Variants in CACNA2D3 observed in about 807,000 individuals in gnomAD.
The protein encoded by CACNA2D3 is voltage-dependent calcium channel subunit alpha-2/delta-3.
Under a neutral mutation model 160.6 loss-of-function variants are expected in CACNA2D3, and 60 were observed. The observed-to-expected ratio is 0.37, with a 90% CI of 0.30 to 0.46. The LOEUF is 0.46. CACNA2D3 is among the 20% of genes least tolerant of loss of function. The pLI is 1.00. For synonymous variants in CACNA2D3, 558 were observed against 492.9 expected (o/e 1.13, Z -1.75); for missense variants, 1,205 against 1,365.0 (o/e 0.88, Z 1.85).
At chr3:54,388,952 A>G (rs6790309) in intron 4 of CACNA2D3, among the ~76,000 whole-genome samples, 5,442 of 152,326 alleles carry the variant, frequency 0.036, 134 homozygotes, top group Non-Finnish European at 0.058. Flanking sequence ...TGTAACAATG[A>G]ATAAAATAAG....
chr3:54,956,271 A>G (rs887339281), intron 27 of CACNA2D3, among the ~76,000 whole-genome samples: 2 of 152,206 alleles, frequency 1.3e-5, no homozygotes, highest in Admixed American at 6.5e-5. Flanking sequence ...CCGTAAGCGC[A>G]TGGTCTTCCC....
intron 4 of CACNA2D3, among the ~76,000 whole-genome samples, chr3:54,445,805 T>C (rs1700214038): frequency 1.3e-5 from 2 of 152,174 alleles, no homozygotes; most frequent in Non-Finnish European, 2.9e-5. Flanking sequence ...GGGCCAGCAG[T>C]TCTGTGCTTA....
chr3:55,061,026 ATAAATCCTT>A lies in CACNA2D3; in HGVS notation c.2988-12418_2988-12410del, dbSNP rs375206890. 3.2e-3 allele frequency among the ~76,000 whole-genome samples: 483 copies of A among 152,312 alleles called. 3 individuals carry two copies. Among genetic ancestry groups the A allele is most frequent in the African/African-American group, 0.011 (465 of 41,560 alleles). On this transcript the variant is annotated intron_variant, in intron 35 of 37. Coordinates refer to ENST00000474759, the MANE Select transcript of CACNA2D3 (RefSeq NM_018398.3). ...CTGTAGGTCGGCACCATAAATCTCA[ATAAATCCTT>A]GTGGGCTGAGGATGAGTGGAAGTCA...
chr3:54,988,771 C>T (rs1702674715), intron 31 of CACNA2D3, among the ~76,000 whole-genome samples: 1 of 152,026 alleles, frequency 6.6e-6, no homozygotes, highest in African/African-American at 2.4e-5. Flanking sequence ...AATGATGACC[C>T]AGTGTTTGAA....
chr3:54,561,962 G>A (rs1001647128), intron 5 of CACNA2D3, among the ~76,000 whole-genome samples: 2 of 152,266 alleles, frequency 1.3e-5, no homozygotes, highest in African/African-American at 4.8e-5. Context: ...GTAGGGGAGT[G>A]CCCCTTTATA....
intron 13 of CACNA2D3, among the ~76,000 whole-genome samples, chr3:54,793,222 A>G (rs1306489579): frequency 6.6e-6 from 1 of 152,238 alleles, no homozygotes; most frequent in South Asian, 2.1e-4. Context: ...TGAATAAATT[A>G]TATTTTTTCC....
At chr3:54,426,230 C>A (rs1245143747) in intron 4 of CACNA2D3, among the ~76,000 whole-genome samples, 1 of 152,102 alleles carries the variant, frequency 6.6e-6, no homozygotes, top group Non-Finnish European at 1.5e-5. Context: ...AGGATATTTG[C>A]AAAGTTTACT....
At chr3:54,985,905 C>A (rs1702603600) in intron 30 of CACNA2D3, among the ~76,000 whole-genome samples, 1 of 152,172 alleles carries the variant, frequency 6.6e-6, no homozygotes. Context: ...TTCCCAGTCT[C>A]CTCTGATGCT....
intron 11 of CACNA2D3, among the ~76,000 whole-genome samples, chr3:54,687,135 G>GTTTTTTTTTTTTTTTTT (rs1290353261): frequency 5.6e-5 from 5 of 88,894 alleles, no homozygotes; most frequent in South Asian, 3.7e-4. Flanking sequence ...TTTTTTTTTT[G>GTTTTTTTTTTTTTTTTT]TTTTTTTTTT....
chr3:54,330,947 A>G (rs1233442290), intron 3 of CACNA2D3, among the ~76,000 whole-genome samples: 3 of 152,038 alleles, frequency 2.0e-5, no homozygotes, highest in Admixed American at 6.5e-5. Context: ...TTTGGTAGAG[A>G]TGATTTTTTT....
Position 54,312,827 on chromosome 3 carries a change from A to ATT in CACNA2D3, c.205-7615_205-7614insTT, listed in dbSNP as rs200637134. The stretch of plus-strand genomic sequence containing the variant: ...TTCTTCCATGTCACAAATGTGACAC[A>ATT]GAATGCGTTCTGCCTAGACCCCAGT... On this transcript the variant is annotated intron_variant, in intron 2 of 37. Coordinates refer to ENST00000474759, the MANE Select transcript of CACNA2D3 (RefSeq NM_018398.3). Among the ~76,000 whole-genome samples, 652 of 152,330 alleles carry ATT rather than the reference A, an allele frequency of 4.3e-3. 10 individuals are homozygous for ATT. Among genetic ancestry groups the ATT allele is most frequent in the East Asian group, 0.035 (182 of 5,170 alleles).
At chr3:54,883,821 C>CTCTCTCTCTCTCTCTCTCTCTCTCTT (rs1699862279) in intron 21 of CACNA2D3, among the ~76,000 whole-genome samples, 1 of 143,414 alleles carries the variant, frequency 7.0e-6, no homozygotes, top group African/African-American at 2.6e-5. Context: ...CTCTCTCTCT[C>CTCTCTCTCTCTCTCTCTCTCTCTCTT]TCCTCTCTCT....
At chr3:54,620,209 A>C (rs1340512586) in intron 9 of CACNA2D3, among the ~76,000 whole-genome samples, 1 of 152,196 alleles carries the variant, frequency 6.6e-6, no homozygotes, top group Non-Finnish European at 1.5e-5. Flanking sequence ...TAGGAGCCAC[A>C]TCTCTGTTTT....
intron 4 of CACNA2D3, among the ~76,000 whole-genome samples, chr3:54,442,349 T>G (rs2106797101): frequency 6.6e-6 from 1 of 152,222 alleles, no homozygotes; most frequent in East Asian, 1.9e-4. Flanking sequence ...AGAGGGCCCT[T>G]TACTCCTTCT....
At chr3:54,303,822 T>TTTGTTTTTTTG (rs1310252633) in intron 2 of CACNA2D3, among the ~76,000 whole-genome samples, 7 of 105,518 alleles carry the variant, frequency 6.6e-5, no homozygotes, top group African/African-American at 3.0e-4. Context: ...TTTTCTGTTT[T>TTTGTTTTTTTG]TTTTTTTTTT....
At chr3:54,670,814 T>C (rs544892299) in intron 11 of CACNA2D3, among the ~76,000 whole-genome samples, 170 of 152,282 alleles carry the variant, frequency 1.1e-3, no homozygotes, top group Non-Finnish European at 2.0e-3. Context: ...TTGATTTATG[T>C]TTTATTACCT....
intron 30 of CACNA2D3, among the ~76,000 whole-genome samples, chr3:54,984,872 C>T (rs1035743107): frequency 6.6e-6 from 1 of 152,186 alleles, no homozygotes; most frequent in African/African-American, 2.4e-5. Context: ...TTACCTCCCA[C>T]TGGGGGGTGC....
At chr3:54,777,945 A>G (rs987673617) in intron 13 of CACNA2D3, among the ~76,000 whole-genome samples, 1 of 152,224 alleles carries the variant, frequency 6.6e-6, no homozygotes, top group African/African-American at 2.4e-5. Context: ...TTAATTGTCA[A>G]CTAATAAGTT....
At chr3:54,351,895 A>G (rs1458606099) in intron 3 of CACNA2D3, among the ~76,000 whole-genome samples, 1 of 151,934 alleles carries the variant, frequency 6.6e-6, no homozygotes, top group Non-Finnish European at 1.5e-5. Flanking sequence ...CTGAAGCTAC[A>G]CATCAGATTC....
Sources: allele counts gnomAD v4.1 joint callset (sites outside exome capture counted in the v4.1 genomes callset), GRCh38; gene constraint gnomAD v4.1.1; transcripts MANE v1.5; gene names NCBI Gene and HGNC (gene_info 2026-07-23, HGNC 2026-07-21).